OPCML: variants seen among roughly 807,000 people sequenced by gnomAD.
OPCML encodes opioid binding protein/cell adhesion molecule like.
Under a neutral mutation model 37.8 loss-of-function variants are expected in OPCML, and 13 were observed. The observed-to-expected ratio is 0.34, with a 90% CI of 0.22 to 0.55. OPCML has a LOEUF of 0.55. OPCML is among the 20% of genes least tolerant of loss of function. The pLI, the probability that OPCML is intolerant of heterozygous loss-of-function variation, is 0.91. For synonymous variants in OPCML, 176 were observed against 168.8 expected (o/e 1.04, Z -0.33); for missense variants, 341 against 435.6 (o/e 0.78, Z 1.93).
chr11:133,088,872 A>T (rs575805861), intron 1 of OPCML, among the ~76,000 whole-genome samples: 1 of 152,382 alleles, frequency 6.6e-6, no homozygotes, highest in Non-Finnish European at 1.5e-5. Flanking sequence ...ATTCTAACAC[A>T]TTAAGCATGA....
chr11:132,415,577 C>A lies in OPCML; in HGVS notation c.*4616G>T, dbSNP rs1407823395. ...GGTTCGCAATCTTTCTTTCTCCACC[C>A]AGTGGTGTGGAGCAACTCTGTGCCT... On this transcript the variant is annotated 3_prime_UTR_variant, in exon 8 of 8. Coordinates refer to ENST00000524381, the MANE Select transcript of OPCML (RefSeq NM_001012393.5). The A allele has an allele frequency of 6.6e-6, 1 of 152,186 alleles. No homozygotes were observed. Among genetic ancestry groups the A allele is most frequent in the African/African-American group, 2.4e-5 (1 of 41,440 alleles). The allele number at this position is 152,186 out of a possible 1,614,324, so 9.4% of individuals were successfully genotyped here. A position where few individuals can be genotyped will look rare whatever the true frequency, so the allele number is the denominator to read the frequency against.
At chr11:132,987,053 A>G (rs958232579) in intron 1 of OPCML, among the ~76,000 whole-genome samples, 1 of 152,118 alleles carries the variant, frequency 6.6e-6, no homozygotes, top group Admixed American at 6.5e-5. Flanking sequence ...CTAAGTAACC[A>G]TGTGATCCAT....
At chr11:133,482,543 G>A (rs984716571) in intron 1 of OPCML, among the ~76,000 whole-genome samples, 3 of 152,132 alleles carry the variant, frequency 2.0e-5, no homozygotes, top group Admixed American at 6.5e-5. Context: ...GCATGGCAGT[G>A]AGGGGTGAGT....
rs533455212 is a variant in OPCML at position 133,137,665 on chromosome 11, G to A, written c.62-194655C>T. On this transcript the variant is annotated intron_variant, in intron 1 of 7. Transcript: ENST00000524381. ...TGAATATCAAGGTCGCCTGAGACAG[G>A]CCAAGGTCCTGATCAAGAGGGAGGC... Among the ~76,000 whole-genome samples the A allele has an allele frequency of 3.3e-5, 5 of 152,282 alleles. No homozygotes were observed. The East Asian group carries it at 9.7e-4, about 29-fold the overall frequency.
chr11:132,752,375 G>A (rs535317592), intron 2 of OPCML, among the ~76,000 whole-genome samples: 54 of 152,200 alleles, frequency 3.5e-4, no homozygotes, highest in Admixed American at 1.3e-3. Flanking sequence ...CTTAGTTCCA[G>A]GAACCACTTA....
chr11:132,429,248 C>T (rs2095988333), intron 7 of OPCML, among the ~76,000 whole-genome samples: 1 of 152,142 alleles, frequency 6.6e-6, no homozygotes, highest in African/African-American at 2.4e-5. Flanking sequence ...CAGAAGTTTT[C>T]AGCAATCGAA....
intron 1 of OPCML, among the ~76,000 whole-genome samples, chr11:133,321,016 C>A (rs958434898): frequency 6.6e-6 from 1 of 152,136 alleles, no homozygotes; most frequent in Non-Finnish European, 1.5e-5. Context: ...CCCAGCTCCT[C>A]TTCTTAAGGA....
chr11:132,565,902 G>A lies in OPCML; in HGVS notation c.380-36716C>T, dbSNP rs183473260. Among the ~76,000 whole-genome samples the A allele has an allele frequency of 3.0e-4, 45 of 152,244 alleles. 1 individual carries two copies. The highest frequency in any genetic ancestry group is 2.6e-4 in the Admixed American group (4 of 15,296). On this transcript the variant is annotated intron_variant, in intron 3 of 7. Transcript: ENST00000524381. ...ACAAAAATTAGCCAAGCATGGTGGCGGGCGCCTGCAGTCCCAGCTACTCGA... is the reference window on the plus strand; with the variant it reads ...ACAAAAATTAGCCAAGCATGGTGGCAGGCGCCTGCAGTCCCAGCTACTCGA...
chr11:133,191,006 G>A (rs967090977), intron 1 of OPCML, among the ~76,000 whole-genome samples: 7 of 151,632 alleles, frequency 4.6e-5, no homozygotes, highest in Non-Finnish European at 8.8e-5. Context: ...GTTATGTCTC[G>A]GGGTGGAATT....
At chr11:132,500,383 T>A (rs987898878) in intron 4 of OPCML, among the ~76,000 whole-genome samples, 31 of 152,182 alleles carry the variant, frequency 2.0e-4, no homozygotes, top group Non-Finnish European at 3.2e-4. Context: ...AGTCAAAATT[T>A]GGAAACACTA....
intron 1 of OPCML, among the ~76,000 whole-genome samples, chr11:133,233,732 C>CT (rs1317177183): frequency 3.3e-5 from 5 of 152,180 alleles, no homozygotes; most frequent in African/African-American, 9.7e-5. Context: ...TATGAAGCCC[C>CT]TGCCCGTAAA....
At chr11:132,617,684 T>C (rs1270886419) in intron 3 of OPCML, among the ~76,000 whole-genome samples, 2 of 152,242 alleles carry the variant, frequency 1.3e-5, no homozygotes, top group South Asian at 4.1e-4. Context: ...GAAGTTGGCA[T>C]CAAGGTTGGC....
At chr11:133,024,484 C>G in intron 1 of OPCML, 2 of 985,358 alleles carry the variant, frequency 2.0e-6, no homozygotes, top group Non-Finnish European at 2.4e-6. Context: ...GGGCAGGTTT[C>G]ACGGGTAATG....
intron 1 of OPCML, among the ~76,000 whole-genome samples, chr11:132,975,351 C>T (rs184360377): frequency 6.0e-5 from 9 of 151,248 alleles, no homozygotes; most frequent in Admixed American, 4.6e-4. Flanking sequence ...ATCAAATGAA[C>T]CATGCAAAGT....
Position 132,656,087 on chromosome 11 carries a change from C to T in OPCML, c.379+1000G>A, listed in dbSNP as rs907406684. On this transcript the variant is annotated intron_variant, in intron 3 of 7. Coordinates refer to ENST00000524381, the MANE Select transcript of OPCML (RefSeq NM_001012393.5). Reference sequence around the variant, plus strand: ...TGCAAACGAGGCTCTGAAAGAAGTCCACCCGAACCTTTCATTTGGTGGAGG... The same window carrying T: ...TGCAAACGAGGCTCTGAAAGAAGTCTACCCGAACCTTTCATTTGGTGGAGG... Among the ~76,000 whole-genome samples, 11 of 152,228 alleles carry T rather than the reference C, an allele frequency of 7.2e-5. No individual in the cohort carries two copies. The South Asian group carries it at 1.7e-3, about 23-fold the overall frequency.
intron 1 of OPCML, among the ~76,000 whole-genome samples, chr11:133,059,025 C>A (rs1010748630): frequency 1.3e-5 from 2 of 152,162 alleles, no homozygotes; most frequent in Non-Finnish European, 2.9e-5. Flanking sequence ...TTTGCAAGGA[C>A]CTTTATCTTT....
intron 1 of OPCML, among the ~76,000 whole-genome samples, chr11:133,463,098 A>T (rs1434342578): frequency 7.0e-6 from 1 of 142,242 alleles, no homozygotes; most frequent in Non-Finnish European, 1.5e-5. Context: ...CAAGCACTGT[A>T]TGAGTTCATG....
At chr11:133,109,341 C>T (rs1949215293) in intron 1 of OPCML, among the ~76,000 whole-genome samples, 1 of 152,128 alleles carries the variant, frequency 6.6e-6, no homozygotes, top group South Asian at 2.1e-4. Context: ...GAGTGGGTTA[C>T]CGCTGCTGGC....
At position 133,250,086 on chromosome 11, in the gene OPCML, CA is replaced by C. The variant is rs1307667867; in HGVS notation, c.61+282177del. Among the ~76,000 whole-genome samples, 11 of 152,340 alleles carry C rather than the reference CA, an allele frequency of 7.2e-5. No homozygotes were observed. In the East Asian group the frequency reaches 2.1e-3, roughly 29 times the overall value. ...AAAGAATATCATCATAAAGTATAGA[CA>C]CTTTTGGTGGATAATAGGTACTCAA... On this transcript the variant is annotated intron_variant, in intron 1 of 7. Transcript: ENST00000524381.
Sources: allele counts gnomAD v4.1 joint callset (sites outside exome capture counted in the v4.1 genomes callset), GRCh38; gene constraint gnomAD v4.1.1; transcripts MANE v1.5; gene names NCBI Gene and HGNC (gene_info 2026-07-23, HGNC 2026-07-21).